CELF2: variants seen among roughly 807,000 people sequenced by gnomAD.
CELF2 encodes the protein CUG triplet repeat RNA-binding protein 2.
Under a neutral mutation model 62.6 loss-of-function variants are expected in CELF2, and 8 were observed. That is an observed-to-expected ratio of 0.13 (90% confidence interval 0.07 to 0.23). The LOEUF (loss-of-function observed/expected upper bound fraction) is 0.23. Among genes scored for constraint, CELF2 ranks in the 10% least tolerant of loss-of-function variants. CELF2 has a pLI of 1.00. For missense variants in CELF2, 333 were observed against 671.0 expected, an observed-to-expected ratio of 0.50 and a Z score of 5.56; for synonymous variants, 258 against 250.0, an observed-to-expected ratio of 1.03 and a Z score of -0.30.
At position 11,329,772 on chromosome 10, in the gene CELF2, AG is replaced by A. The variant is rs1219920119; in HGVS notation, c.*722del. 1 of 152,208 alleles carries A rather than the reference AG, an allele frequency of 6.6e-6. No homozygotes were observed. The highest frequency in any genetic ancestry group is 2.4e-5 in the African/African-American group (1 of 41,464). The allele number at this position is 152,208 out of a possible 1,614,324, so 9.4% of individuals were successfully genotyped here. A position where few individuals can be genotyped will look rare whatever the true frequency, so the allele number is the denominator to read the frequency against. Reference sequence around the variant, plus strand: ...TTAGAGATCTGTTTCTTAAAGCTACAGGGTTTAAAAAATAAAAATGAGTGAA... The same window carrying A: ...TTAGAGATCTGTTTCTTAAAGCTACAGGTTTAAAAAATAAAAATGAGTGAA... On this transcript the variant is annotated 3_prime_UTR_variant, in exon 13 of 13. Transcript: ENST00000633077. The surrounding 1 kb of genome is among the most constrained non-coding windows in gnomAD (Gnocchi z 5.5).
intron 1 of CELF2, among the ~76,000 whole-genome samples, chr10:10,833,265 A>C (rs2058023490): frequency 6.6e-6 from 1 of 152,214 alleles, no homozygotes; most frequent in Non-Finnish European, 1.5e-5. Context: ...TAAACGAAGC[A>C]ATAGCAGATT....
At chr10:10,471,850 T>C in the CELF2 span, among the ~76,000 whole-genome samples, 1 of 151,840 alleles carries the variant, frequency 6.6e-6, no homozygotes, top group African/African-American at 2.4e-5. Context: ...CTTCCTTTTT[T>C]GGATAGCTTC....
At chr10:10,603,102 A>G in the CELF2 span, among the ~76,000 whole-genome samples, 3 of 152,280 alleles carry the variant, frequency 2.0e-5, no homozygotes, top group African/African-American at 4.8e-5. Context: ...ACACTCAACC[A>G]TAAATCTTCA....
At chr10:11,067,669 A>G (rs1249397233) in intron 1 of CELF2, among the ~76,000 whole-genome samples, 3 of 152,256 alleles carry the variant, frequency 2.0e-5, no homozygotes, top group African/African-American at 7.2e-5. Context: ...CCAAGCAAGA[A>G]ACTCTGTGTT....
At chr10:11,144,080 G>C (rs1433544241) in intron 1 of CELF2, among the ~76,000 whole-genome samples, 1 of 151,964 alleles carries the variant, frequency 6.6e-6, no homozygotes, top group Non-Finnish European at 1.5e-5. Flanking sequence ...CTAGGCCTCT[G>C]GTTGGTTAAT....
At chr10:10,736,656 T>C in the CELF2 span, among the ~76,000 whole-genome samples, 6 of 152,036 alleles carry the variant, frequency 3.9e-5, no homozygotes, top group East Asian at 9.7e-4. Flanking sequence ...TATGGCAAGA[T>C]GATTGAGTTA....
chr10:11,023,054 T>C (rs954543822), intron 1 of CELF2, among the ~76,000 whole-genome samples: 2 of 152,238 alleles, frequency 1.3e-5, no homozygotes, highest in African/African-American at 4.8e-5. Context: ...ATTTCCACTT[T>C]AGAGTATTAC....
At chr10:10,844,231 A>G (rs1260030154) in intron 1 of CELF2, among the ~76,000 whole-genome samples, 1 of 151,996 alleles carries the variant, frequency 6.6e-6, no homozygotes, top group African/African-American at 2.4e-5. Flanking sequence ...TATTGGGTCA[A>G]ATTTCTTTCT....
chr10:10,890,386 C>T lies in CELF2; in HGVS notation c.54-29578C>T, dbSNP rs566901021. Among the ~76,000 whole-genome samples the T allele has an allele frequency of 1.6e-3, 248 of 152,232 alleles. 5 individuals carry two copies. Among genetic ancestry groups the T allele is most frequent in the Admixed American group, 0.015 (228 of 15,298 alleles). On this transcript the variant is annotated intron_variant, in intron 1 of 13. Coordinates refer to the CELF2 transcript ENST00000636488. ...GCCCCGCCCCTCACCAGCTGCTGGT[C>T]TAGACCACCTTACAAAATGTCATGG...
chr10:10,695,310 T>C, the CELF2 span, among the ~76,000 whole-genome samples: 4 of 144,506 alleles, frequency 2.8e-5, no homozygotes, highest in African/African-American at 1.0e-4. Flanking sequence ...AAAATTCTTT[T>C]CTTTAAGAAT....
the CELF2 span, among the ~76,000 whole-genome samples, chr10:10,470,100 A>G: frequency 6.6e-6 from 1 of 151,894 alleles, no homozygotes; most frequent in African/African-American, 2.4e-5. Context: ...ATTGTATTCC[A>G]AAATCTTTTA....
chr10:11,059,039 G>T lies in CELF2; in HGVS notation c.74+40876G>T, dbSNP rs140838387. Reference sequence around the variant, plus strand: ...CTCAAGCAATGCTTCTTCCTTGGCCGCACAAAGTGCCAGGGTTGCAGCCGT... The same window carrying T: ...CTCAAGCAATGCTTCTTCCTTGGCCTCACAAAGTGCCAGGGTTGCAGCCGT... On this transcript the variant is annotated intron_variant, in intron 1 of 12. Coordinates refer to ENST00000633077, the MANE Select transcript of CELF2 (RefSeq NM_001326342.2). Among the ~76,000 whole-genome samples the T allele has an allele frequency of 4.9e-3, 746 of 152,228 alleles. 6 individuals are homozygous for T. Among genetic ancestry groups the T allele is most frequent in the African/African-American group, 0.017 (725 of 41,536 alleles).
At chr10:11,230,853 T>C (rs1030364118) in intron 3 of CELF2, among the ~76,000 whole-genome samples, 4 of 152,232 alleles carry the variant, frequency 2.6e-5, no homozygotes, top group Admixed American at 2.6e-4. Context: ...AGTTAATCTG[T>C]AATACTCAGC....
chr10:10,687,552 A>G, the CELF2 span, among the ~76,000 whole-genome samples: 1 of 152,172 alleles, frequency 6.6e-6, no homozygotes. Flanking sequence ...TTACTTCTTA[A>G]TAACATCAGA....
chr10:10,644,174 A>G, the CELF2 span, among the ~76,000 whole-genome samples: 1 of 152,210 alleles, frequency 6.6e-6, no homozygotes, highest in Non-Finnish European at 1.5e-5. Context: ...CGTGATAAAT[A>G]GAATCTGTAC....
chr10:11,259,656 A>G (rs1590037817), intron 5 of CELF2, among the ~76,000 whole-genome samples: 2 of 152,280 alleles, frequency 1.3e-5, no homozygotes, highest in East Asian at 3.9e-4. Context: ...GCTGTGGCAG[A>G]CTGCACCACC....
chr10:10,638,071 G>A, the CELF2 span, among the ~76,000 whole-genome samples: 1 of 152,206 alleles, frequency 6.6e-6, no homozygotes, highest in African/African-American at 2.4e-5. Flanking sequence ...TGTGGACAGA[G>A]TGGAGCATCA....
chr10:10,645,168 G>C, the CELF2 span, among the ~76,000 whole-genome samples: 1 of 152,112 alleles, frequency 6.6e-6, no homozygotes, highest in African/African-American at 2.4e-5. Flanking sequence ...TGGTTGGCAA[G>C]ATTGAATCCC....
chr10:10,779,829 T>C, the CELF2 span, among the ~76,000 whole-genome samples: 1 of 151,440 alleles, frequency 6.6e-6, no homozygotes, highest in South Asian at 2.1e-4. Context: ...TCTTTTTCTA[T>C]AAAATGAACT....
Sources: allele counts gnomAD v4.1 joint callset (sites outside exome capture counted in the v4.1 genomes callset), GRCh38; gene constraint gnomAD v4.1.1; non-coding constraint Gnocchi (gnomAD v3.1); transcripts MANE v1.5; gene names NCBI Gene and HGNC (gene_info 2026-07-23, HGNC 2026-07-21).